CCDC186: variants seen among roughly 807,000 people sequenced by gnomAD.
CCDC186 encodes the protein coiled-coil domain containing 186.
CCDC186 carries 49 observed loss-of-function variants against 113.7 expected under a neutral mutation model. The ratio of observed to expected loss-of-function variants is 0.43; its 90% CI spans 0.34 to 0.55. The LOEUF (loss-of-function observed/expected upper bound fraction) is 0.55. CCDC186 is among the 20% of genes least tolerant of loss of function. The pLI is 0.02. For missense variants in CCDC186, 890 were observed against 1,011.1 expected (o/e 0.88, Z 1.62); for synonymous variants, 355 against 345.8 (o/e 1.03, Z -0.30).
chr10:114,162,724 T>C lies in CCDC186; in HGVS notation c.545A>G (p.Asn182Ser). The change falls in exon 2 of 16, where the codon AAT becomes AGT. Residue 182 changes from asparagine to serine, a missense_variant. Coordinates refer to ENST00000369287, the MANE Select transcript of CCDC186 (RefSeq NM_018017.4). ...TGCATGTTCTCCCTTATTCATTCCA[T>C]TTGGTACTCGATGTTCTGCAAACTC... ...STEFAEHRVP[N>S]GMNKGEHALV... The C allele has an allele frequency of 6.2e-7, 1 of 1,613,900 alleles. No individual in the cohort carries two copies.
In CCDC186 at chr10:114,163,174, C is replaced by A. The variant is rs140899994; in HGVS notation, c.95G>T (p.Gly32Val). ...LKEDSCNLFS[G>V]NESSKLENES... ...ATTTTCTAATTTGCTGCTTTCATTG[C>A]CAGAAAACAAGTTGCATGAGTCTTC... The change falls in exon 2 of 16, where the codon GGC becomes GTC. Residue 32 changes from glycine to valine, a missense_variant. Gly to Val is a moderately radical substitution (Grantham distance 109). Transcript: ENST00000369287. The A allele has an allele frequency of 2.5e-4, 397 of 1,613,918 alleles. No homozygotes were observed. The highest frequency in any genetic ancestry group is 3.0e-4 in the Non-Finnish European group (350 of 1,179,960).
At chr10:114,127,769 C>T in intron 13 of CCDC186, 98 bp from the exon 14 acceptor site, 1 of 1,125,484 alleles carries the variant, frequency 8.9e-7, no homozygotes. Context: ...AATATTCACT[C>T]TAACAGAGTT....
intron 3 of CCDC186, among the ~76,000 whole-genome samples, chr10:114,154,467 C>T (rs892006885): frequency 1.3e-5 from 2 of 151,848 alleles, no homozygotes; most frequent in African/African-American, 4.8e-5. Flanking sequence ...CCTAGAAAGA[C>T]ACAAACTACC....
chr10:114,168,974 A>G (rs1157679484), intron 1 of CCDC186, among the ~76,000 whole-genome samples: 1 of 147,680 alleles, frequency 6.8e-6, no homozygotes, highest in Non-Finnish European at 1.5e-5. Flanking sequence ...TTGAGCATCT[A>G]TTAATATGTA....
At chr10:114,142,100 G>A (rs1467141731) in intron 6 of CCDC186, among the ~76,000 whole-genome samples, 1 of 152,172 alleles carries the variant, frequency 6.6e-6, no homozygotes, top group African/African-American at 2.4e-5. Context: ...AGCCCATTCT[G>A]GCTTCTAATG....
intron 15 of CCDC186, 36 bp downstream of exon 15, chr10:114,125,850 T>C: frequency 6.4e-7 from 1 of 1,571,096 alleles, no homozygotes; most frequent in Non-Finnish European, 8.8e-7. Flanking sequence ...TTTTGCCATG[T>C]TTACTGGTTG....
intron 13 of CCDC186, among the ~76,000 whole-genome samples, chr10:114,128,438 AT>A (rs917572832): frequency 6.6e-6 from 1 of 152,072 alleles, no homozygotes; most frequent in African/African-American, 2.4e-5. Flanking sequence ...TCTACTACAC[AT>A]TTTTTCCCAC....
intron 12 of CCDC186, chr10:114,130,498 T>C (rs1227396909): frequency 1.3e-5 from 2 of 152,300 alleles, no homozygotes; most frequent in South Asian, 2.1e-4. Context: ...AATGACTGTA[T>C]GACTTTTTAA....
At chr10:114,169,241 T>C (rs1162799978) in intron 1 of CCDC186, among the ~76,000 whole-genome samples, 2 of 145,998 alleles carry the variant, frequency 1.4e-5, no homozygotes, top group Admixed American at 1.4e-4. Flanking sequence ...ATTCTTTTTT[T>C]TTTTTTTTTT....
chr10:114,127,335 G>T, intron 14 of CCDC186, 126 bp downstream of exon 14: 1 of 853,088 alleles, frequency 1.2e-6, no homozygotes, highest in Non-Finnish European at 1.8e-6. Context: ...AAAAGACTGG[G>T]AACTGAATAA....
At chr10:114,135,623 G>T (rs2031235586) in intron 9 of CCDC186, among the ~76,000 whole-genome samples, 1 of 152,164 alleles carries the variant, frequency 6.6e-6, no homozygotes, top group African/African-American at 2.4e-5. Context: ...ACTGCCTTTA[G>T]ATGAGAAGCC....
chr10:114,143,031 T>C (rs751550364), intron 6 of CCDC186, among the ~76,000 whole-genome samples: 2 of 152,200 alleles, frequency 1.3e-5, no homozygotes, highest in Non-Finnish European at 2.9e-5. Flanking sequence ...AGTTATCTAA[T>C]ACAGTGTTAT....
chr10:114,131,024 T>C (rs1408524416), intron 12 of CCDC186, 123 bp downstream of exon 12: 1 of 792,698 alleles, frequency 1.3e-6, no homozygotes, highest in African/African-American at 1.8e-5. Context: ...AACAATTTGG[T>C]TTACTAATAT....
At chr10:114,153,848 C>T (rs937746825) in intron 3 of CCDC186, among the ~76,000 whole-genome samples, 1 of 147,282 alleles carries the variant, frequency 6.8e-6, no homozygotes, top group African/African-American at 2.5e-5. Context: ...CATCTTAAGA[C>T]ACCAGAAAAA....
intron 3 of CCDC186, among the ~76,000 whole-genome samples, chr10:114,156,036 G>A (rs924004998): frequency 6.6e-6 from 1 of 152,162 alleles, no homozygotes; most frequent in Non-Finnish European, 1.5e-5. Context: ...TGGTTCCATT[G>A]TACCTGTTCG....
At chr10:114,126,666 T>C (rs1293107946) in intron 14 of CCDC186, among the ~76,000 whole-genome samples, 1 of 152,248 alleles carries the variant, frequency 6.6e-6, no homozygotes, top group African/African-American at 2.4e-5. Flanking sequence ...AGCAATTTCT[T>C]TATTGCTCAA....
intron 3 of CCDC186, among the ~76,000 whole-genome samples, chr10:114,157,185 T>A: frequency 6.8e-6 from 1 of 147,792 alleles, no homozygotes; most frequent in East Asian, 2.0e-4. Context: ...AGAATTTTTT[T>A]TTTTTTTTTT....
Position 114,137,275 on chromosome 10 carries a change from G to A in CCDC186, c.1237C>T (p.Leu413Phe). Residue 413 changes from leucine to phenylalanine, a missense_variant, in exon 7 of 16, where the codon CTC becomes TTC. Leu to Phe is a conservative substitution (Grantham distance 22). Coordinates refer to ENST00000369287, the MANE Select transcript of CCDC186 (RefSeq NM_018017.4). ...MDSHKETKDK[L>F]KETTTKLTQA... ...GTTAATTTTGTTGTTGTTTCTTTGAGTTTATCTTTGGTTTCCTGCATTGAC... is the reference window on the plus strand; with the variant it reads ...GTTAATTTTGTTGTTGTTTCTTTGAATTTATCTTTGGTTTCCTGCATTGAC... 2 of 1,613,118 alleles carry A rather than the reference G, an allele frequency of 1.2e-6. No homozygotes were observed. The highest frequency in any genetic ancestry group is 1.7e-6 in the Non-Finnish European group (2 of 1,179,766).
chr10:114,162,888 A>G lies in CCDC186; in HGVS notation c.381T>C (p.Phe127=). The change falls in exon 2 of 16, where the codon TTT becomes TTC. Residue 127 remains phenylalanine, a synonymous_variant. Coordinates refer to ENST00000369287, the MANE Select transcript of CCDC186 (RefSeq NM_018017.4). ...AAGTCTTTTCATTAGCTGATTCTGG[A>G]AATGTAGATGACCTTAATTCCACCA... ...QILVELRSST[F]PESANEKTYS... 6.2e-7 allele frequency: 1 copy of G among 1,613,954 alleles called. No individual in the cohort carries two copies. The highest frequency in any genetic ancestry group is 1.3e-5 in the African/African-American group (1 of 75,044).
Sources: allele counts gnomAD v4.1 joint callset (sites outside exome capture counted in the v4.1 genomes callset), GRCh38; gene constraint gnomAD v4.1.1; transcripts MANE v1.5; gene names NCBI Gene and HGNC (gene_info 2026-07-23, HGNC 2026-07-21).